Variants in PCDHA3 observed in about 807,000 individuals in gnomAD.
PCDHA3 encodes the protein protocadherin alpha-3.
A neutral mutation model predicts 62.2 loss-of-function variants in PCDHA3; 41 were observed. The observed-to-expected ratio is 0.66, with a 90% CI of 0.51 to 0.86. The LOEUF (loss-of-function observed/expected upper bound fraction) is 0.86. PCDHA3 is among the 40% of genes least tolerant of loss of function. The pLI is 0.00. For missense variants in PCDHA3, 1,304 were observed against 1,241.2 expected (o/e 1.05, Z -0.76); for synonymous variants, 640 against 555.4 (o/e 1.15, Z -2.14).
intron 1 of PCDHA3, chr5:140,876,243 C>A: frequency 6.2e-7 from 1 of 1,613,948 alleles, no homozygotes; most frequent in Non-Finnish European, 8.5e-7. Context: ...ATGTCCAAAA[C>A]GACACAAGAG....
At chr5:140,991,984 C>T (rs1393451773) in intron 3 of PCDHA3, among the ~76,000 whole-genome samples, 1 of 151,632 alleles carries the variant, frequency 6.6e-6, no homozygotes, top group Non-Finnish European at 1.5e-5. Context: ...TTCTGCCTAC[C>T]ACCCGGTCTT....
rs2150130376 is a variant in PCDHA3 at position 140,823,924 on chromosome 5, TAC to T, written c.2394+20336_2394+20337del. On this transcript the variant is annotated intron_variant, in intron 1 of 3. Transcript: ENST00000522353. ...CCTGCTGGTGCTCACGCTGCTGCTG[TAC>T]ACCGCGCTGCGGTGCTCGGCGCAGC... 1.8e-5 allele frequency: 29 copies of T among 1,613,852 alleles called. No homozygotes were observed. The Admixed American group carries it at 4.8e-4, about 27-fold the overall frequency.
chr5:140,929,233 C>T (rs782744711), intron 1 of PCDHA3: 5 of 1,613,786 alleles, frequency 3.1e-6, no homozygotes, highest in Non-Finnish European at 8.5e-7. Flanking sequence ...TGCCGACCTG[C>T]GAAATCTTGC....
intron 1 of PCDHA3, chr5:140,858,122 G>A (rs2045205238): frequency 1.3e-6 from 2 of 1,597,922 alleles, no homozygotes; most frequent in Non-Finnish European, 1.7e-6. Flanking sequence ...GGTGGCCCTG[G>A]TGGATGTCAA....
intron 1 of PCDHA3, among the ~76,000 whole-genome samples, chr5:140,973,059 A>G (rs2096570291): frequency 6.6e-6 from 1 of 152,062 alleles, no homozygotes; most frequent in African/African-American, 2.4e-5. Context: ...TTTGTCCAAC[A>G]GTGTCTCAGT....
intron 1 of PCDHA3, chr5:140,821,666 A>C: frequency 1.6e-6 from 2 of 1,238,068 alleles, no homozygotes; most frequent in South Asian, 1.6e-5. Context: ...CTGTGCCAAG[A>C]AGCTCAGAAA....
At chr5:140,885,985 G>A (rs879977606) in intron 1 of PCDHA3, among the ~76,000 whole-genome samples, 3 of 152,110 alleles carry the variant, frequency 2.0e-5, no homozygotes, top group Admixed American at 2.0e-4. Context: ...AGATTCGCAT[G>A]TGGTTGAAAG....
At chr5:140,954,361 C>T (rs782543125) in intron 1 of PCDHA3, among the ~76,000 whole-genome samples, 18 of 152,220 alleles carry the variant, frequency 1.2e-4, no homozygotes, top group Non-Finnish European at 2.2e-4. Context: ...AATCGCCACA[C>T]AGTCTCCCAC....
At position 140,849,713 on chromosome 5, in the gene PCDHA3, G is replaced by A. The variant is rs2150446260; in HGVS notation, c.2394+46122G>A. ...TGTCCACCTACAAGAATTACTACTC[G>A]TTGGTGCTGGACAGAGCTCTGGACC... On this transcript the variant is annotated intron_variant, in intron 1 of 3. Transcript: ENST00000522353. The A allele has an allele frequency of 6.6e-5, 105 of 1,598,450 alleles. 8 individuals carry two copies. Among genetic ancestry groups the A allele is most frequent in the Middle Eastern group, 1.7e-4 (1 of 5,910 alleles).
chr5:140,836,316 C>T (rs2150257543), intron 1 of PCDHA3: 5 of 1,613,630 alleles, frequency 3.1e-6, no homozygotes, highest in Non-Finnish European at 4.2e-6. Context: ...CGCACCGCGC[C>T]ACCGCCTTCT....
intron 1 of PCDHA3, chr5:140,862,641 A>C (rs529897830): frequency 1.7e-5 from 9 of 540,658 alleles, no homozygotes; most frequent in Admixed American, 9.7e-5. Context: ...ACGACTTCAC[A>C]GTGTCCGCGC....
intron 1 of PCDHA3, chr5:140,815,326 T>C (rs1455934614): frequency 1.3e-5 from 2 of 152,130 alleles, no homozygotes; most frequent in Non-Finnish European, 2.9e-5. Context: ...TATGTTTTTG[T>C]TCCTTTCCTG....
At position 140,815,675 on chromosome 5, in the gene PCDHA3, T is replaced by G. The variant is rs2126666284; in HGVS notation, c.2394+12084T>G. ...ATATATTTATCTTTACTAGTGAGCT[T>G]TATACTTTAATAAAATACCTATGTA... On this transcript the variant is annotated intron_variant, in intron 1 of 3. Coordinates refer to ENST00000522353, the MANE Select transcript of PCDHA3 (RefSeq NM_018906.3). 3 of 152,278 alleles carry G rather than the reference T, an allele frequency of 2.0e-5. No homozygotes were observed. In the South Asian group the frequency reaches 6.2e-4, roughly 32 times the overall value. The allele number at this position is 152,278 out of a possible 1,614,324, so 9.4% of individuals were successfully genotyped here. A position where few individuals can be genotyped will look rare whatever the true frequency, so the allele number is the denominator to read the frequency against.
rs2150354067 is a variant in PCDHA3 at position 140,843,158 on chromosome 5, C to A, written c.2394+39567C>A. On this transcript the variant is annotated intron_variant, in intron 1 of 3. Transcript: ENST00000522353. ...CGCGTGGCTTTCGTATGAGCTGCAG[C>A]CAGCTGCAAGCAGCCCTCGCATCCC... is the stretch of plus-strand genomic sequence containing the variant. The A allele has an allele frequency of 1.0e-4, 163 of 1,596,026 alleles. 13 individuals carry two copies. In the South Asian group the frequency reaches 1.7e-3, roughly 16 times the overall value.
At chr5:140,909,045 G>A (rs1407145935) in intron 1 of PCDHA3, among the ~76,000 whole-genome samples, 1 of 152,112 alleles carries the variant, frequency 6.6e-6, no homozygotes, top group African/African-American at 2.4e-5. Flanking sequence ...TCCATACTCT[G>A]GCATGCAAAT....
At chr5:140,817,379 A>G (rs1251072338) in intron 1 of PCDHA3, 1 of 152,232 alleles carries the variant, frequency 6.6e-6, no homozygotes, top group Non-Finnish European at 1.5e-5. Flanking sequence ...GGCACTTATC[A>G]CCATGGGAAT....
Position 140,802,460 on chromosome 5 carries a change from T to C in PCDHA3, c.1263T>C (p.Tyr421=). The change falls in exon 1 of 4, where the codon TAT becomes TAC. Residue 421 remains tyrosine (Y), a synonymous_variant. Transcript: ENST00000522353. ...SPLDRESVSA[Y]ELVVTARDGG... is the part of the protein sequence containing the mutation. ...TGGACCGCGAGAGCGTGTCGGCCTA[T>C]GAGCTGGTGGTGACTGCTCGGGACG... 3 of 1,614,154 alleles carry C rather than the reference T, an allele frequency of 1.9e-6. No individual in the cohort carries two copies. Among genetic ancestry groups the C allele is most frequent in the South Asian group, 1.1e-5 (1 of 91,086 alleles).
chr5:140,949,537 C>T (rs1359504503), intron 1 of PCDHA3, among the ~76,000 whole-genome samples: 4 of 151,692 alleles, frequency 2.6e-5, no homozygotes, highest in African/African-American at 7.3e-5. Context: ...CATAAAATAT[C>T]GATTTGTTGC....
intron 1 of PCDHA3, among the ~76,000 whole-genome samples, chr5:140,905,903 G>A (rs2072195312): frequency 6.6e-6 from 1 of 152,184 alleles, no homozygotes; most frequent in African/African-American, 2.4e-5. Flanking sequence ...AAGCTGAGGA[G>A]CAAGGAATCC....
Sources: gnomAD v4.1 joint callset for allele counts (sites outside exome capture counted in the v4.1 genomes callset) on GRCh38, gnomAD v4.1.1 for gene constraint, MANE v1.5 for transcripts, NCBI Gene and HGNC (gene_info 2026-07-23, HGNC 2026-07-21) for gene names.